Variants in EXO1 observed in about 807,000 individuals in gnomAD.
The protein encoded by EXO1 is exonuclease 1.
In EXO1, 69 loss-of-function variants were observed where a neutral mutation model predicts 84.5. The ratio of observed to expected loss-of-function variants is 0.82; its 90% CI spans 0.67 to 1.00. The LOEUF (loss-of-function observed/expected upper bound fraction) is 1.00. Ranked by LOEUF, EXO1 falls within the 50% of genes least tolerant of loss-of-function variation. The pLI is 0.00. For missense variants in EXO1, 1,045 were observed against 1,000.7 expected, an observed-to-expected ratio of 1.04 and a Z score of -0.60; for synonymous variants, 373 against 366.1, an observed-to-expected ratio of 1.02 and a Z score of -0.21.
intron 10 of EXO1, among the ~76,000 whole-genome samples, chr1:241,865,007 G>A (rs1318831332): frequency 1.3e-5 from 2 of 151,354 alleles, no homozygotes; most frequent in Non-Finnish European, 2.9e-5. Flanking sequence ...TTGAGTAGCT[G>A]GAACTACAGG....
chr1:241,885,785 T>C (rs1663030635), intron 15 of EXO1, among the ~76,000 whole-genome samples: 1 of 152,150 alleles, frequency 6.6e-6, no homozygotes, highest in Non-Finnish European at 1.5e-5. Context: ...TTAAGTCTCC[T>C]GCCTTCCTTT....
rs142896720 is a variant in EXO1, at chr1:241,864,055, G to A, written c.1041+2553G>A. Among the ~76,000 whole-genome samples the A allele has an allele frequency of 3.9e-4, 59 of 152,176 alleles. 1 individual carries two copies. In the East Asian group the frequency reaches 0.011, roughly 28 times the overall value. On this transcript the variant is annotated intron_variant, in intron 10 of 15. Transcript: ENST00000366548. Reference sequence around the variant, plus strand: ...TTCTTCCGCTCTCTGTAACTGCTGTGTACCTTTTTCCTGTGTTGATATTTT... The same window carrying A: ...TTCTTCCGCTCTCTGTAACTGCTGTATACCTTTTTCCTGTGTTGATATTTT...
At chr1:241,885,244 T>A (rs1574189855) in intron 14 of EXO1, 70 bp from the exon 15 acceptor site, 9 of 746,938 alleles carry the variant, frequency 1.2e-5, no homozygotes, top group Admixed American at 2.7e-5. Flanking sequence ...AAGTAAAGAA[T>A]AAAGAATAGC....
In EXO1 at chr1:241,867,044, G is replaced by A. The variant is rs1574156474; in HGVS notation, c.1256G>A (p.Arg419Lys). 2 of 1,612,208 alleles carry A rather than the reference G, an allele frequency of 1.2e-6. No individual in the cohort carries two copies. Among genetic ancestry groups the A allele is most frequent in the East Asian group, 4.5e-5 (2 of 44,858 alleles). Residue 419 changes from arginine to lysine, a missense_variant, in exon 11 of 16, where the codon AGA (arginine) becomes AAA (lysine). Arg to Lys is a conservative substitution (Grantham distance 26). Transcript: ENST00000366548. ...CCAAGGAAATCATCCATTGTGAAAA[G>A]ACCAAGAAGTGGTACGTATTTCAGT... ...NLPRKSSIVKRPRSAELSEDD... is the reference protein window; with the variant it reads ...NLPRKSSIVKKPRSAELSEDD...
chr1:241,861,579 C>A, intron 10 of EXO1, 77 bp downstream of exon 10: 1 of 812,234 alleles, frequency 1.2e-6, no homozygotes, highest in Non-Finnish European at 2.2e-6. Context: ...AATCTTCATA[C>A]ACTAAGCTTC....
rs1456493081 is a variant in EXO1, at chr1:241,860,084, G to A, written c.757-433G>A. On this transcript the variant is annotated intron_variant, in intron 8 of 15. Transcript: ENST00000366548. ...TATGCAATGTTTAGGATCCTTTCCA[G>A]CTTTAAGCATCCATGACTCTCACAG... Among the ~76,000 whole-genome samples, 4 of 152,122 alleles carry A rather than the reference G, an allele frequency of 2.6e-5. No homozygotes were observed. In the East Asian group the frequency reaches 7.7e-4, roughly 29 times the overall value.
Position 241,861,502 on chromosome 1 carries a change from G to A in EXO1, c.1041G>A (p.Met347Ile). 6.5e-7 allele frequency: 1 copy of A among 1,540,174 alleles called. No individual in the cohort carries two copies. The highest frequency in any genetic ancestry group is 9.0e-7 in the Non-Finnish European group (1 of 1,112,654). Reference sequence around the variant, plus strand: ...ATGACTACAATCCAGACACTGCTATGGTAACGTTTTGATGACCACCCTATG... The same window carrying A: ...ATGACTACAATCCAGACACTGCTATAGTAACGTTTTGATGACCACCCTATG... ...QIDDYNPDTAMPAHSRSHSWD... is the reference protein window; with the variant it reads ...QIDDYNPDTAIPAHSRSHSWD... The change falls in exon 10 of 16, where the codon ATG (methionine) becomes ATA (isoleucine). Residue 347 changes from methionine (M) to isoleucine (I), a missense_variant and splice_region_variant. Met to Ile is a conservative substitution (Grantham distance 10, BLOSUM62 1). Coordinates refer to ENST00000366548, the MANE Select transcript of EXO1 (RefSeq NM_130398.4).
intron 4 of EXO1, 57 bp downstream of exon 4, chr1:241,850,643 T>G (rs1029026903): frequency 7.2e-7 from 1 of 1,390,214 alleles, no homozygotes; most frequent in Non-Finnish European, 1.0e-6. Flanking sequence ...CTACAGTGCC[T>G]TTTTTTCTCC....
intron 2 of EXO1, 38 bp from the exon 3 acceptor site, chr1:241,849,074 C>T (rs1660505668): frequency 1.3e-5 from 2 of 152,150 alleles, no homozygotes; most frequent in Non-Finnish European, 1.5e-5. Context: ...CCACCTGCAT[C>T]CAGATTAACT....
At chr1:241,853,685 G>C (rs1018305982) in intron 6 of EXO1, among the ~76,000 whole-genome samples, 5 of 151,804 alleles carry the variant, frequency 3.3e-5, no homozygotes, top group East Asian at 3.9e-4. Context: ...CATAAGTAAG[G>C]CTCTCTCTTT....
intron 11 of EXO1, among the ~76,000 whole-genome samples, chr1:241,871,221 A>G (rs1006835240): frequency 2.6e-5 from 4 of 152,210 alleles, no homozygotes; most frequent in African/African-American, 9.6e-5. Context: ...ATCAACATCT[A>G]ATTTGCTGAT....
In EXO1 at chr1:241,865,188, TA is replaced by T. The variant is rs1661641778; in HGVS notation, c.1042-1641del. Among the ~76,000 whole-genome samples the T allele has an allele frequency of 7.3e-5, 11 of 150,324 alleles. No individual in the cohort carries two copies. The South Asian group carries it at 1.0e-3, about 14-fold the overall frequency. ...ACCTGGCCACAGCATTATATATATA[TA>T]TATATATTTTTTGACTTGAATATCT... On this transcript the variant is annotated intron_variant, in intron 10 of 15. Coordinates refer to ENST00000366548, the MANE Select transcript of EXO1 (RefSeq NM_130398.4).
chr1:241,883,019 ATAACC>A (rs1471244647), intron 14 of EXO1, among the ~76,000 whole-genome samples: 1 of 152,204 alleles, frequency 6.6e-6, no homozygotes, highest in Non-Finnish European at 1.5e-5. Context: ...AAAATTGGAA[ATAACC>A]TAAATAACAA....
chr1:241,864,818 A>G (rs569054489), intron 10 of EXO1, among the ~76,000 whole-genome samples: 25 of 151,444 alleles, frequency 1.7e-4, no homozygotes, highest in African/African-American at 5.8e-4. Flanking sequence ...AAAGAAGGAG[A>G]CTGAAAAGTG....
Position 241,881,950 on chromosome 1 carries a change from A to G in EXO1, c.2144A>G (p.Gln715Arg). ...SDCNIKLLDS[Q>R]SDQTSKLRLS... Reference sequence around the variant, plus strand: ...TGCAATATTAAGTTACTTGACAGTCAAAGTGACCAGACCTCCAAGCTACGT... The same window carrying G: ...TGCAATATTAAGTTACTTGACAGTCGAAGTGACCAGACCTCCAAGCTACGT... Residue 715 changes from glutamine (Q) to arginine (R), a missense_variant, in exon 14 of 16, where the codon CAA (glutamine) becomes CGA (arginine). Gln to Arg is a conservative substitution (Grantham distance 43). Transcript: ENST00000366548. 1.9e-6 allele frequency: 3 copies of G among 1,582,194 alleles called. No individual in the cohort carries two copies. The South Asian group carries it at 3.4e-5, about 18-fold the overall frequency.
intron 12 of EXO1, among the ~76,000 whole-genome samples, chr1:241,875,303 C>G (rs1662328666): frequency 6.6e-6 from 1 of 152,148 alleles, no homozygotes; most frequent in African/African-American, 2.4e-5. Flanking sequence ...CACACTCTGC[C>G]CTGTTTTTCA....
chr1:241,868,086 T>C (rs1466454121), intron 11 of EXO1, among the ~76,000 whole-genome samples: 3 of 151,674 alleles, frequency 2.0e-5, no homozygotes, highest in Admixed American at 6.6e-5. Flanking sequence ...ACAAAAAAAA[T>C]TTTTAAGGCC....
At chr1:241,880,104 A>G (rs759963810) in intron 13 of EXO1, among the ~76,000 whole-genome samples, 5 of 152,040 alleles carry the variant, frequency 3.3e-5, no homozygotes, top group Non-Finnish European at 7.4e-5. Context: ...ATATATTTTC[A>G]TTTACTCTTC....
intron 15 of EXO1, among the ~76,000 whole-genome samples, chr1:241,888,434 C>T (rs1663186655): frequency 6.6e-6 from 1 of 151,974 alleles, no homozygotes; most frequent in African/African-American, 2.4e-5. Context: ...ACTGAGTTGT[C>T]AGCAGTTTCA....
Sources: gnomAD v4.1 joint callset for allele counts (sites outside exome capture counted in the v4.1 genomes callset) on GRCh38, gnomAD v4.1.1 for gene constraint, MANE v1.5 for transcripts, NCBI Gene and HGNC (gene_info 2026-07-23, HGNC 2026-07-21) for gene names.